Variants in ATP2C1 observed in about 807,000 individuals in gnomAD.
ATP2C1 encodes ATPase secretory pathway Ca2+ transporting 1.
Under a neutral mutation model 120.5 loss-of-function variants are expected in ATP2C1, and 31 were observed. That is an observed-to-expected ratio of 0.26 (90% CI 0.19 to 0.35). The LOEUF is 0.35. Ranked by LOEUF, ATP2C1 falls within the 10% of genes least tolerant of loss-of-function variation. The pLI, the probability that ATP2C1 is intolerant of heterozygous loss-of-function variation, is 1.00. For missense variants in ATP2C1, 731 were observed against 1,107.5 expected, an observed-to-expected ratio of 0.66 and a Z score of 4.83; for synonymous variants, 351 against 358.7, an observed-to-expected ratio of 0.98 and a Z score of 0.24.
At chr3:130,884,821 C>T (rs1018333561) in intron 1 of ATP2C1, among the ~76,000 whole-genome samples, 1 of 151,920 alleles carries the variant, frequency 6.6e-6, no homozygotes, top group Non-Finnish European at 1.5e-5. Context: ...CATAGCTACT[C>T]CTGCTCTTTT....
chr3:130,912,278 T>A (rs1412310136), intron 2 of ATP2C1, among the ~76,000 whole-genome samples: 2 of 146,090 alleles, frequency 1.4e-5, no homozygotes, highest in Admixed American at 1.4e-4. Context: ...AAAGAGCTTC[T>A]GCACAGCAAA....
upstream of ATP2C1, among the ~76,000 whole-genome samples, chr3:130,889,320 T>C (rs2069087223): frequency 6.6e-6 from 1 of 152,180 alleles, no homozygotes. Context: ...TTTAATGAAA[T>C]GATGTTGAAC....
exon 1 of ATP2C1, chr3:130,850,821 A>C: frequency 7.0e-7 from 1 of 1,429,684 alleles, no homozygotes; most frequent in Non-Finnish European, 9.3e-7. Flanking sequence ...TTTCCTCACT[A>C]TGGATAGTCT....
At chr3:130,928,542 A>G (rs982896273) in intron 2 of ATP2C1, among the ~76,000 whole-genome samples, 2 of 152,244 alleles carry the variant, frequency 1.3e-5, no homozygotes, top group Admixed American at 6.5e-5. Flanking sequence ...TTTCCAATAT[A>G]TTATTGATAG....
rs1460983249 is a variant in ATP2C1 at position 130,955,916 on chromosome 3, T to C, written c.757-188T>C. Reference sequence around the variant, plus strand: ...AAAATAGAGAATTTCTGTTCCTCACTGTGTGACCTTGGGCATTGTGTAAAA... The same window carrying C: ...AAAATAGAGAATTTCTGTTCCTCACCGTGTGACCTTGGGCATTGTGTAAAA... On this transcript the variant is annotated intron_variant, in intron 10 of 27. Coordinates refer to ENST00000510168, the MANE Select transcript of ATP2C1 (RefSeq NM_001378687.1). 5.5e-6 allele frequency: 3 copies of C among 548,228 alleles called. No individual in the cohort carries two copies. In the African/African-American group the frequency reaches 5.7e-5, roughly 10 times the overall value. The allele number at this position is 548,228 out of a possible 1,614,324, so 34.0% of individuals were successfully genotyped here.
Position 130,894,654 on chromosome 3 carries a change from T to A in ATP2C1, c.-116T>A. On this transcript the variant is annotated 5_prime_UTR_variant, in exon 2 of 28. Transcript: ENST00000510168. The surrounding 1 kb of genome is among the most constrained non-coding windows in gnomAD (Gnocchi z 4.5). ...GTGGCCGGGAGCGGGGGTGACAGCCTGGGATTCCGGGGGCTTCTCTTCCTT... is the reference window on the plus strand; with the variant it reads ...GTGGCCGGGAGCGGGGGTGACAGCCAGGGATTCCGGGGGCTTCTCTTCCTT... The A allele has an allele frequency of 6.2e-7, 1 of 1,608,398 alleles. No homozygotes were observed. Among genetic ancestry groups the A allele is most frequent in the Non-Finnish European group, 8.5e-7 (1 of 1,176,398 alleles).
chr3:130,907,609 C>T (rs1298118064), intron 2 of ATP2C1, among the ~76,000 whole-genome samples: 1 of 151,754 alleles, frequency 6.6e-6, no homozygotes, highest in African/African-American at 2.4e-5. Flanking sequence ...ACTCTGAATT[C>T]TATTCTGTTG....
intron 2 of ATP2C1, chr3:130,918,727 C>A (rs2058798349): frequency 4.7e-6 from 2 of 425,332 alleles, no homozygotes; most frequent in Admixed American, 6.1e-5. Context: ...CGCGGTGGCT[C>A]ACGCCTGTAA....
rs72985796 is a variant in ATP2C1, at chr3:130,988,560, C to G, written c.1840-4391C>G. On this transcript the variant is annotated intron_variant, in intron 20 of 27. Transcript: ENST00000510168. Reference sequence around the variant, plus strand: ...CAACCCACGGATACCCATCTAACTTCGGGACAGCCATGATCCCCAATAGGC... The same window carrying G: ...CAACCCACGGATACCCATCTAACTTGGGGACAGCCATGATCCCCAATAGGC... Among the ~76,000 whole-genome samples the G allele has an allele frequency of 1.7e-3, 264 of 152,208 alleles. 1 individual carries two copies. The highest frequency in any genetic ancestry group is 6.1e-3 in the African/African-American group (255 of 41,536).
intron 22 of ATP2C1, 139 bp downstream of exon 22, chr3:130,994,237 C>T: frequency 1.0e-6 from 1 of 980,328 alleles, no homozygotes; most frequent in Non-Finnish European, 1.5e-6. Flanking sequence ...GGTAATTATC[C>T]TATTTTATGG....
At chr3:130,850,778 C>T in exon 1 of ATP2C1, 1 of 951,772 alleles carries the variant, frequency 1.1e-6, no homozygotes, top group South Asian at 2.2e-5. Context: ...CATATGGTTG[C>T]TGACAAGGAG....
rs1249108045 is a variant in ATP2C1, at chr3:131,002,491, T to C, written c.*1141T>C. 1 of 985,326 alleles carries C rather than the reference T, an allele frequency of 1.0e-6. No homozygotes were observed. Among genetic ancestry groups the C allele is most frequent in the Non-Finnish European group, 1.2e-6 (1 of 829,938 alleles). 61.0% of individuals were successfully genotyped at this position (985,326 alleles called of 1,614,324 possible). A position where few individuals can be genotyped will look rare whatever the true frequency, so the allele number is the denominator to read the frequency against. The stretch of plus-strand genomic sequence containing the variant: ...TCTTCTACTTTCATCATGTGTTCTG[T>C]ACCTTCTTTTTGTTTCATTGGGCAT... On this transcript the variant is annotated 3_prime_UTR_variant, in exon 28 of 28. Coordinates refer to ENST00000510168, the MANE Select transcript of ATP2C1 (RefSeq NM_001378687.1).
chr3:130,967,742 T>C (rs924400879), intron 16 of ATP2C1, among the ~76,000 whole-genome samples: 4 of 152,214 alleles, frequency 2.6e-5, no homozygotes, highest in African/African-American at 9.6e-5. Flanking sequence ...TGCTGATAAA[T>C]ACTAACTTTT....
chr3:130,972,562 T>C (rs886279056), intron 17 of ATP2C1, among the ~76,000 whole-genome samples: 14 of 151,236 alleles, frequency 9.3e-5, no homozygotes, highest in Admixed American at 5.3e-4. Context: ...CATGCTGGTG[T>C]GCTGCACCCA....
chr3:130,951,856 A>T (rs1002347044), intron 8 of ATP2C1, among the ~76,000 whole-genome samples: 2 of 152,122 alleles, frequency 1.3e-5, no homozygotes, highest in Non-Finnish European at 2.9e-5. Context: ...TATTATCTAA[A>T]CTTCTGGGAA....
chr3:130,925,496 C>T (rs2059163723), intron 2 of ATP2C1, among the ~76,000 whole-genome samples: 1 of 152,110 alleles, frequency 6.6e-6, no homozygotes, highest in Non-Finnish European at 1.5e-5. Context: ...GTGAAGTAGA[C>T]TCTGTGAGGG....
At chr3:130,941,083 CT>C (rs2059879569) in intron 7 of ATP2C1, among the ~76,000 whole-genome samples, 1 of 151,340 alleles carries the variant, frequency 6.6e-6, no homozygotes, top group Non-Finnish European at 1.5e-5. Context: ...CCCAGATTAT[CT>C]TTTGTATTTT....
At chr3:130,964,908 CT>C in intron 13 of ATP2C1, 39 bp from the exon 14 acceptor site, 1 of 1,471,664 alleles carries the variant, frequency 6.8e-7, no homozygotes. Context: ...TATATTTCTC[CT>C]TGATTCTTTT....
At chr3:130,862,729 GC>G (rs1201100695) in intron 1 of ATP2C1, among the ~76,000 whole-genome samples, 1 of 152,142 alleles carries the variant, frequency 6.6e-6, no homozygotes, top group Non-Finnish European at 1.5e-5. Context: ...AAAACATTTA[GC>G]AATAACTTAA....
Sources: gnomAD v4.1 joint callset for allele counts (sites outside exome capture counted in the v4.1 genomes callset) on GRCh38, gnomAD v4.1.1 for gene constraint, Gnocchi (gnomAD v3.1) non-coding constraint, MANE v1.5 for transcripts, NCBI Gene and HGNC (gene_info 2026-07-23, HGNC 2026-07-21) for gene names.